The following SLC30A10 variants were observed in gnomAD, a reference collection of about 807,000 sequenced individuals.
SLC30A10 encodes solute carrier family 30 member 10, also known as calcium/manganese antiporter SLC30A10.
A neutral mutation model predicts 21.7 loss-of-function variants in SLC30A10; 8 were observed. The ratio of observed to expected loss-of-function variants is 0.37; its 90% CI spans 0.22 to 0.67. The LOEUF (loss-of-function observed/expected upper bound fraction) is 0.67. Among genes scored for constraint, SLC30A10 ranks in the 30% least tolerant of loss-of-function variants. The pLI is 0.58. For missense variants in SLC30A10, 521 were observed against 642.5 expected, an observed-to-expected ratio of 0.81 and a Z score of 2.04; for synonymous variants, 272 against 279.4, an observed-to-expected ratio of 0.97 and a Z score of 0.26.
At chr1:219,935,037 G>A (rs1283959652) in intron 1 of SLC30A10, among the ~76,000 whole-genome samples, 1 of 152,174 alleles carries the variant, frequency 6.6e-6, no homozygotes, top group Non-Finnish European at 1.5e-5. Context: ...TTCATTCAGA[G>A]TTCATCATCA....
intron 1 of SLC30A10, among the ~76,000 whole-genome samples, chr1:219,951,929 C>A (rs139682684): frequency 2.0e-5 from 3 of 152,062 alleles, no homozygotes; most frequent in Non-Finnish European, 2.9e-5. Context: ...CTGGTCTATG[C>A]TCCTTCTGGT....
intron 1 of SLC30A10, among the ~76,000 whole-genome samples, chr1:219,954,929 C>T (rs970796517): frequency 1.6e-4 from 24 of 152,008 alleles, no homozygotes; most frequent in Admixed American, 1.2e-3. Flanking sequence ...CAAGGTTATT[C>T]GTACAGTACA....
chr1:219,935,684 A>C (rs2102540289), intron 1 of SLC30A10, among the ~76,000 whole-genome samples: 1 of 152,344 alleles, frequency 6.6e-6, no homozygotes, highest in African/African-American at 2.4e-5. Context: ...TTTAGTGGAT[A>C]ATCAACAAAC....
At position 219,927,120 on chromosome 1, in the gene SLC30A10, G is replaced by T; in HGVS notation, c.641-15C>A. ...GAAGGAATCACCTGCATTCAAAGAA[G>T]AAACCTTGTGTTGTGTATAAGTTCT... On this transcript the variant is annotated splice_polypyrimidine_tract_variant and intron_variant, in intron 1 of 3. Transcript: ENST00000366926. 6.2e-7 allele frequency: 1 copy of T among 1,613,266 alleles called. No individual in the cohort carries two copies. The highest frequency in any genetic ancestry group is 8.5e-7 in the Non-Finnish European group (1 of 1,179,536).
In SLC30A10 at chr1:219,915,342, A is replaced by T; in HGVS notation, c.*107T>A. The T allele has an allele frequency of 7.2e-7, 1 of 1,381,588 alleles. No homozygotes were observed. The allele number at this position is 1,381,588 out of a possible 1,614,324, so 85.6% of individuals were successfully genotyped here. A position where few individuals can be genotyped will look rare whatever the true frequency, so the allele number is the denominator to read the frequency against. On this transcript the variant is annotated 3_prime_UTR_variant, in exon 4 of 4. Coordinates refer to ENST00000366926, the MANE Select transcript of SLC30A10 (RefSeq NM_018713.3). Reference sequence around the variant, plus strand: ...AACCCCTAGTGAACACAGAGCATGCATGCTGCAAGTCTAGTCTGGGCCTAC... The same window carrying T: ...AACCCCTAGTGAACACAGAGCATGCTTGCTGCAAGTCTAGTCTGGGCCTAC...
chr1:219,916,479 C>A (rs1377667628), intron 3 of SLC30A10, among the ~76,000 whole-genome samples: 3 of 152,134 alleles, frequency 2.0e-5, no homozygotes, highest in African/African-American at 7.2e-5. Context: ...AAGTAAGTTG[C>A]ATATTTAAGG....
chr1:219,956,000 G>A (rs2789818), intron 1 of SLC30A10, among the ~76,000 whole-genome samples: 70,388 of 151,928 alleles, frequency 0.46, 16,386 homozygotes, highest in South Asian at 0.52. Flanking sequence ...TATGACGTTC[G>A]TCTGATGCAA....
At chr1:219,942,619 T>C (rs144979027) in intron 1 of SLC30A10, among the ~76,000 whole-genome samples, 1 of 152,356 alleles carries the variant, frequency 6.6e-6, no homozygotes, top group East Asian at 1.9e-4. Context: ...ATTTTTTAAG[T>C]ATTTACAAGT....
Position 219,912,046 on chromosome 1 carries a change from C to G in SLC30A10, c.*3403G>C, listed in dbSNP as rs1038790135. On this transcript the variant is annotated 3_prime_UTR_variant, in exon 4 of 4. Coordinates refer to ENST00000366926, the MANE Select transcript of SLC30A10 (RefSeq NM_018713.3). ...CCTCACAAAAGCTCTTATGACCTCA[C>G]AGGGCAGCTGTCTTATTGTAATCCC... Among the ~76,000 whole-genome samples the G allele has an allele frequency of 6.6e-6, 1 of 151,968 alleles. No homozygotes were observed. The highest frequency in any genetic ancestry group is 1.9e-4 in the East Asian group (1 of 5,182).
chr1:219,923,349 C>T (rs1406470626), intron 2 of SLC30A10, among the ~76,000 whole-genome samples: 1 of 152,098 alleles, frequency 6.6e-6, no homozygotes, highest in Non-Finnish European at 1.5e-5. Flanking sequence ...TAGATTAAAA[C>T]GAAACCCCCA....
At chr1:219,930,732 A>G (rs1659958993), upstream of SLC30A10, among the ~76,000 whole-genome samples, 1 of 152,256 alleles carries the variant, frequency 6.6e-6, no homozygotes, top group Non-Finnish European at 1.5e-5. Context: ...AAAAATCAAC[A>G]TAAAAATAAT....
At chr1:219,938,060 G>C (rs1279340432) in intron 1 of SLC30A10, among the ~76,000 whole-genome samples, 2 of 151,848 alleles carry the variant, frequency 1.3e-5, no homozygotes, top group East Asian at 3.9e-4. Context: ...CTTTTTTGCT[G>C]GTTCCTTTTT....
chr1:219,947,366 C>CA (rs1196214320), intron 1 of SLC30A10, among the ~76,000 whole-genome samples: 2 of 151,902 alleles, frequency 1.3e-5, no homozygotes, highest in South Asian at 2.1e-4. Context: ...CCCATCTCTA[C>CA]AAAAAAATGA....
chr1:219,935,067 G>A (rs1660028987), intron 1 of SLC30A10, among the ~76,000 whole-genome samples: 1 of 152,120 alleles, frequency 6.6e-6, no homozygotes, highest in African/African-American at 2.4e-5. Flanking sequence ...ATCATTTGGG[G>A]TCTGAATCCT....
At chr1:219,935,583 T>A (rs561628311) in intron 1 of SLC30A10, among the ~76,000 whole-genome samples, 1 of 152,356 alleles carries the variant, frequency 6.6e-6, no homozygotes, top group South Asian at 2.1e-4. Context: ...TATGTTTTCA[T>A]TTCTAAGCTA....
chr1:219,937,612 C>CAAGACCAGCCTGCCA (rs1337740496), intron 1 of SLC30A10, among the ~76,000 whole-genome samples: 1 of 152,208 alleles, frequency 6.6e-6, no homozygotes, highest in Non-Finnish European at 1.5e-5. Flanking sequence ...GTGTGGAGTT[C>CAAGACCAGCCTGCCA]AAGACCAGCC....
At chr1:219,924,727 A>T (rs907926680) in intron 2 of SLC30A10, among the ~76,000 whole-genome samples, 3 of 152,256 alleles carry the variant, frequency 2.0e-5, no homozygotes, top group African/African-American at 7.2e-5. Flanking sequence ...TCACTCATTC[A>T]TGAATGGTAC....
Position 219,954,063 on chromosome 1 carries a change from T to C in SLC30A10, n.80+4505A>G, listed in dbSNP as rs538251361. 3.9e-5 allele frequency among the ~76,000 whole-genome samples: 6 copies of C among 152,002 alleles called. No individual in the cohort carries two copies. The South Asian group carries it at 1.0e-3, about 26-fold the overall frequency. ...TGGTAGAGAGACAGCAAATTCCCCTTTGCCTCTCCTAAAATTCTTGGCCTT... is the reference window on the plus strand; with the variant it reads ...TGGTAGAGAGACAGCAAATTCCCCTCTGCCTCTCCTAAAATTCTTGGCCTT... On this transcript the variant is annotated intron_variant and non_coding_transcript_variant, in intron 1 of 8. Transcript: ENST00000484239.
chr1:219,915,520 G>A lies in SLC30A10; in HGVS notation c.1387C>T (p.Leu463=), dbSNP rs763073204. Residue 463 remains leucine (L), a synonymous_variant, in exon 4 of 4, where the codon CTG becomes TTG. Coordinates refer to ENST00000366926, the MANE Select transcript of SLC30A10 (RefSeq NM_018713.3). ...VAIEVSLDSC[L]SDHGQSLNKT... is the part of the protein sequence containing the mutation. Reference sequence around the variant, plus strand: ...TTAAGACTTTGTCCGTGGTCACTCAGACAGCTATCCAAAGACACTTCAATA... The same window carrying A: ...TTAAGACTTTGTCCGTGGTCACTCAAACAGCTATCCAAAGACACTTCAATA... The A allele has an allele frequency of 5.1e-5, 82 of 1,614,226 alleles. 1 individual carries two copies. The South Asian group carries it at 8.8e-4, about 17-fold the overall frequency.
Sources: allele counts gnomAD v4.1 joint callset (sites outside exome capture counted in the v4.1 genomes callset), GRCh38; gene constraint gnomAD v4.1.1; transcripts MANE v1.5; gene names NCBI Gene and HGNC (gene_info 2026-07-23, HGNC 2026-07-21).